NCAPD2: variants seen among roughly 807,000 people sequenced by gnomAD.
The protein encoded by NCAPD2 is condensin complex subunit 1.
A neutral mutation model predicts 164.5 loss-of-function variants in NCAPD2; 100 were observed. The observed-to-expected ratio is 0.61, with a 90% CI of 0.52 to 0.72. The LOEUF is 0.72. Ranked by LOEUF, NCAPD2 falls within the 30% of genes least tolerant of loss-of-function variation. The pLI is 0.00. For missense variants in NCAPD2, 1,560 were observed against 1,749.2 expected, an observed-to-expected ratio of 0.89 and a Z score of 1.93; for synonymous variants, 585 against 642.6, an observed-to-expected ratio of 0.91 and a Z score of 1.36.
At chr12:6,498,051 A>G (rs890202991) in intron 2 of NCAPD2, among the ~76,000 whole-genome samples, 11 of 152,080 alleles carry the variant, frequency 7.2e-5, no homozygotes, top group Non-Finnish European at 1.5e-5. Context: ...CTGGGACTAC[A>G]GGCATGTGCC....
At chr12:6,508,706 T>G (rs892182098) in intron 2 of NCAPD2, among the ~76,000 whole-genome samples, 2 of 152,196 alleles carry the variant, frequency 1.3e-5, no homozygotes, top group African/African-American at 2.4e-5. Flanking sequence ...TCTGAAAGTA[T>G]CTTCCCACAA....
chr12:6,520,476 A>C (rs139227666), intron 13 of NCAPD2, among the ~76,000 whole-genome samples: 1 of 149,914 alleles, frequency 6.7e-6, no homozygotes, highest in Non-Finnish European at 1.5e-5. Flanking sequence ...ACCCACAGGC[A>C]CACACCATCA....
intron 6 of NCAPD2, among the ~76,000 whole-genome samples, chr12:6,513,125 G>T (rs370084818): frequency 6.6e-6 from 1 of 152,208 alleles, no homozygotes; most frequent in Non-Finnish European, 1.5e-5. Flanking sequence ...GTCTGAGCTA[G>T]AGATAACACA....
chr12:6,515,003 A>G, intron 9 of NCAPD2, 83 bp downstream of exon 9: 1 of 1,466,740 alleles, frequency 6.8e-7, no homozygotes, highest in East Asian at 2.3e-5. Flanking sequence ...ACAGAACAAG[A>G]AAGTAGCTTT....
chr12:6,501,923 A>G (rs1449870652), intron 2 of NCAPD2, among the ~76,000 whole-genome samples: 1 of 152,248 alleles, frequency 6.6e-6, no homozygotes, highest in African/African-American at 2.4e-5. Flanking sequence ...AACCTTGACA[A>G]AGCTGTTTCA....
rs767960393 is a variant in NCAPD2 at position 6,530,984 on chromosome 12, G to A, written c.4028G>A (p.Arg1343His). 48 of 1,614,014 alleles carry A rather than the reference G, an allele frequency of 3.0e-5. No homozygotes were observed. The highest frequency in any genetic ancestry group is 8.3e-5 in the Admixed American group (5 of 60,006). ...SDNDFVTPEP[R>H]RTTRRHPNTQ... ...AATGACTTTGTCACACCAGAGCCCC[G>A]CCGTACTACCCGTCGGCATCCAAAC... Residue 1343 changes from arginine (R) to histidine (H), a missense_variant, in exon 31 of 32, where the codon CGC becomes CAC. By Grantham distance (29) the Arg-to-His change is conservative (BLOSUM62 0). Coordinates refer to ENST00000315579, the MANE Select transcript of NCAPD2 (RefSeq NM_014865.4).
chr12:6,529,641 G>A (rs1480498582), intron 28 of NCAPD2, 48 bp downstream of exon 28: 3 of 1,608,334 alleles, frequency 1.9e-6, no homozygotes, highest in African/African-American at 1.3e-5. Flanking sequence ...GGGCCCTGCA[G>A]GGGAGAAAGG....
chr12:6,528,964 T>G lies in NCAPD2; in HGVS notation c.3497T>G (p.Leu1166Arg), dbSNP rs768498216. The stretch of plus-strand genomic sequence containing the variant: ...TTACAGGGCAACGCAATCTATAATC[T>G]CCTTCCAGATATCATCAGCCGCCTG... Reference protein sequence around the residue: ...LSHKGNAIYNLLPDIISRLSD... With the variant: ...LSHKGNAIYNRLPDIISRLSD... Residue 1166 changes from leucine (L) to arginine (R), a missense_variant, in exon 27 of 32, where the codon CTC becomes CGC. By Grantham distance (102) the Leu-to-Arg change is moderately radical. Transcript: ENST00000315579. The surrounding 1 kb of genome is among the most constrained non-coding windows in gnomAD (Gnocchi z 5.1). The G allele has an allele frequency of 6.2e-7, 1 of 1,613,906 alleles. No homozygotes were observed. The highest frequency in any genetic ancestry group is 8.5e-7 in the Non-Finnish European group (1 of 1,180,020).
intron 21 of NCAPD2, 44 bp downstream of exon 21, chr12:6,526,659 T>G (rs1243041061): frequency 1.9e-6 from 3 of 1,596,842 alleles, no homozygotes; most frequent in Non-Finnish European, 2.6e-6. Flanking sequence ...CAGCTTCTGT[T>G]CTCCCTGCAG....
chr12:6,523,245 C>G lies in NCAPD2; in HGVS notation c.2130-17C>G. On this transcript the variant is annotated splice_polypyrimidine_tract_variant and intron_variant, in intron 16 of 31. Transcript: ENST00000315579. Reference sequence around the variant, plus strand: ...TCCCAATCTTATAGTGACCGCTGATCTCTGCTGTTCCCACAGAGCCAAGGC... The same window carrying G: ...TCCCAATCTTATAGTGACCGCTGATGTCTGCTGTTCCCACAGAGCCAAGGC... The G allele has an allele frequency of 6.2e-7, 1 of 1,611,132 alleles. No individual in the cohort carries two copies. The highest frequency in any genetic ancestry group is 8.5e-7 in the Non-Finnish European group (1 of 1,177,526).
At chr12:6,511,324 T>C in intron 6 of NCAPD2, 72 bp downstream of exon 6, 1 of 1,537,172 alleles carries the variant, frequency 6.5e-7, no homozygotes, top group South Asian at 1.2e-5. Flanking sequence ...TATGCCGTTT[T>C]TTTGGTTTTG....
intron 13 of NCAPD2, among the ~76,000 whole-genome samples, chr12:6,518,508 T>TTGTTTTTG (rs796161815): frequency 1.1e-5 from 1 of 91,142 alleles, no homozygotes; most frequent in Admixed American, 1.1e-4. Flanking sequence ...CAACAAGTTT[T>TTGTTTTTG]TTTTTTTTTT....
Position 6,527,009 on chromosome 12 carries a change from G to A in NCAPD2, c.2853G>A (p.Arg951=), listed in dbSNP as rs370594671. ...LEQAVSGELC[R]RRVLREEQEH... Reference sequence around the variant, plus strand: ...AGGCAGTGAGTGGAGAGCTCTGCCGGCGCCGAGTTCTCCGGGAAGAACAGG... The same window carrying A: ...AGGCAGTGAGTGGAGAGCTCTGCCGACGCCGAGTTCTCCGGGAAGAACAGG... Residue 951 remains arginine, a synonymous_variant, in exon 22 of 32, where the codon CGG becomes CGA. Coordinates refer to ENST00000315579, the MANE Select transcript of NCAPD2 (RefSeq NM_014865.4). The A allele has an allele frequency of 5.1e-5, 83 of 1,613,860 alleles. No homozygotes were observed. Among genetic ancestry groups the A allele is most frequent in the Non-Finnish European group, 6.8e-5 (80 of 1,179,936 alleles).
rs143092487 is a variant in NCAPD2 at position 6,499,701 on chromosome 12, A to G, written c.127+4476A>G. ...GCTACTGTGCCCAGCCTATTTCTGG[A>G]ATATTTCATTTAATATTTTCAGACT... On this transcript the variant is annotated intron_variant, in intron 2 of 31. Coordinates refer to ENST00000315579, the MANE Select transcript of NCAPD2 (RefSeq NM_014865.4). Among the ~76,000 whole-genome samples, 722 of 152,206 alleles carry G rather than the reference A, an allele frequency of 4.7e-3. 6 individuals carry two copies. The highest frequency in any genetic ancestry group is 0.017 in the African/African-American group (704 of 41,526).
chr12:6,517,958 A>C lies in NCAPD2; in HGVS notation c.1588A>C (p.Lys530Gln). 1 of 1,613,184 alleles carries C rather than the reference A, an allele frequency of 6.2e-7. No homozygotes were observed. The highest frequency in any genetic ancestry group is 1.3e-5 in the African/African-American group (1 of 75,046). ...TCAACTGCTTGCCAAAGCTAGTTACAAGTAGGCAAAAGAATGGGATATTCT... is the reference window on the plus strand; with the variant it reads ...TCAACTGCTTGCCAAAGCTAGTTACCAGTAGGCAAAAGAATGGGATATTCT... ...IYQLLAKASYKKAIILTREAT... is the reference protein window; with the variant it reads ...IYQLLAKASYQKAIILTREAT... Residue 530 changes from lysine to glutamine, a missense_variant and splice_region_variant, in exon 13 of 32, where the codon AAA (lysine) becomes CAA (glutamine). Coordinates refer to ENST00000315579, the MANE Select transcript of NCAPD2 (RefSeq NM_014865.4).
At position 6,523,454 on chromosome 12, in the gene NCAPD2, A is replaced by G. The variant is rs1050379170; in HGVS notation, c.2214+108A>G. ...GCCCCATTGCCCAGGCTGGAGTGCA[A>G]TGGCACAATCTTGGCTCACTGCAAC... On this transcript the variant is annotated intron_variant, in intron 17 of 31. Coordinates refer to ENST00000315579, the MANE Select transcript of NCAPD2 (RefSeq NM_014865.4). The G allele has an allele frequency of 4.1e-5, 37 of 906,624 alleles. 1 individual carries two copies. The highest frequency in any genetic ancestry group is 5.2e-5 in the Non-Finnish European group (32 of 611,300). 56.2% of individuals were successfully genotyped at this position (906,624 alleles called of 1,614,324 possible).
At chr12:6,527,585 A>C (rs748601569) in intron 22 of NCAPD2, among the ~76,000 whole-genome samples, 192 bp from the exon 23 acceptor site, 25 of 152,266 alleles carry the variant, frequency 1.6e-4, no homozygotes, top group Non-Finnish European at 3.4e-4. Context: ...TTGGCAACTT[A>C]AAACAAATGG....
Position 6,531,391 on chromosome 12 carries a change from G to A in NCAPD2, c.4185G>A (p.Ser1395=), listed in dbSNP as rs766471840. The change falls in exon 32 of 32, where the codon TCG becomes TCA. Residue 1395 remains serine (S), a synonymous_variant. Transcript: ENST00000315579. The surrounding 1 kb of genome is among the most constrained non-coding windows in gnomAD (Gnocchi z 4.1). Reference sequence around the variant, plus strand: ...AAACAACTCCCATTCTCAGAGCATCGGCTCGCAGGCACAGATCCTAGGAAG... The same window carrying A: ...AAACAACTCCCATTCTCAGAGCATCAGCTCGCAGGCACAGATCCTAGGAAG... The part of the protein sequence containing the change: ...PKKTTPILRA[S]ARRHRS 27 of 1,613,700 alleles carry A rather than the reference G, an allele frequency of 1.7e-5. No individual in the cohort carries two copies. The highest frequency in any genetic ancestry group is 4.4e-5 in the South Asian group (4 of 91,064).
chr12:6,498,180 A>G (rs1946001769), intron 2 of NCAPD2, among the ~76,000 whole-genome samples: 1 of 152,186 alleles, frequency 6.6e-6, no homozygotes, highest in Non-Finnish European at 1.5e-5. Context: ...AAGTGCTGAG[A>G]TTACAGGTGT....
Sources: gnomAD v4.1 joint callset for allele counts (sites outside exome capture counted in the v4.1 genomes callset) on GRCh38, gnomAD v4.1.1 for gene constraint, Gnocchi (gnomAD v3.1) non-coding constraint, MANE v1.5 for transcripts, NCBI Gene and HGNC (gene_info 2026-07-23, HGNC 2026-07-21) for gene names.